WWP2: variants seen among roughly 807,000 people sequenced by gnomAD.
WWP2 encodes WW domain containing E3 ubiquitin protein ligase 2, also known as NEDD4-like E3 ubiquitin-protein ligase WWP2.
In WWP2, 57 loss-of-function variants were observed where a neutral mutation model predicts 121.0. The observed-to-expected ratio is 0.47, with a 90% CI of 0.38 to 0.59. The LOEUF (loss-of-function observed/expected upper bound fraction) is 0.59. WWP2 is among the 20% of genes least tolerant of loss of function. WWP2 has a pLI of 0.00. For synonymous variants in WWP2, 449 were observed against 441.3 expected, an observed-to-expected ratio of 1.02 and a Z score of -0.22; for missense variants, 962 against 1,158.9, an observed-to-expected ratio of 0.83 and a Z score of 2.47.
chr16:69,897,272 T>G (rs1382107570), intron 8 of WWP2, among the ~76,000 whole-genome samples: 1 of 152,016 alleles, frequency 6.6e-6, no homozygotes, highest in Non-Finnish European at 1.5e-5. Flanking sequence ...CAGGCTAATT[T>G]TTATATTTTT....
chr16:69,889,954 ATTG>A (rs1016765404), intron 8 of WWP2, among the ~76,000 whole-genome samples: 11 of 151,466 alleles, frequency 7.3e-5, no homozygotes, highest in East Asian at 1.9e-4. Flanking sequence ...AGCCACTTTC[ATTG>A]TTGTTGTTGT....
chr16:69,936,507 G>A (rs1348280165), intron 19 of WWP2, 55 bp downstream of exon 19: 1 of 1,606,346 alleles, frequency 6.2e-7, no homozygotes, highest in Non-Finnish European at 8.5e-7. Context: ...GATCTAGTGG[G>A]TTGCAGAGAA....
At chr16:69,825,993 G>A (rs1483411927) in intron 4 of WWP2, among the ~76,000 whole-genome samples, 8 of 152,104 alleles carry the variant, frequency 5.3e-5, no homozygotes, top group South Asian at 2.1e-4. Flanking sequence ...GCAGCCAGGC[G>A]CGGTGGCTCA....
At position 69,935,470 on chromosome 16, in the gene WWP2, G is replaced by T. The variant is rs527309753; in HGVS notation, c.1843-383G>T. ...GCTGCCTTTGCCACCCACCCTGAGC[G>T]CCAGTGAATCAGGGCTGCCACCTGC... On this transcript the variant is annotated intron_variant, in intron 17 of 23. Transcript: ENST00000359154. The surrounding 1 kb of genome is among the most constrained non-coding windows in gnomAD (Gnocchi z 5.2). Among the ~76,000 whole-genome samples, 1 of 152,220 alleles carries T rather than the reference G, an allele frequency of 6.6e-6. No individual in the cohort carries two copies. Among genetic ancestry groups the T allele is most frequent in the Non-Finnish European group, 1.5e-5 (1 of 68,040 alleles).
chr16:69,880,791 A>G (rs1360998881), intron 7 of WWP2, among the ~76,000 whole-genome samples: 1 of 152,192 alleles, frequency 6.6e-6, no homozygotes, highest in Admixed American at 6.5e-5. Flanking sequence ...CCCACATGTT[A>G]CGAGCTGATC....
intron 4 of WWP2, among the ~76,000 whole-genome samples, chr16:69,806,550 A>T (rs1567676526): frequency 6.6e-6 from 1 of 152,198 alleles, no homozygotes; most frequent in Non-Finnish European, 1.5e-5. Context: ...TTGCTTTGAA[A>T]TAATTCTTTG....
chr16:69,909,286 C>T (rs2058346508), intron 9 of WWP2: 1 of 989,366 alleles, frequency 1.0e-6, no homozygotes, highest in South Asian at 4.7e-5. Context: ...GTTCTTTCCA[C>T]ATGTGTCTCC....
chr16:69,904,000 G>A lies in WWP2; in HGVS notation c.915-4761G>A, dbSNP rs551443699. On this transcript the variant is annotated intron_variant, in intron 8 of 23. Transcript: ENST00000359154. Reference sequence around the variant, plus strand: ...GCAGCTAAATTCTTCGGGAGTGCTGGAGAGTTCTCAGCTACTTAAATTGCA... The same window carrying A: ...GCAGCTAAATTCTTCGGGAGTGCTGAAGAGTTCTCAGCTACTTAAATTGCA... Among the ~76,000 whole-genome samples the A allele has an allele frequency of 1.1e-3, 161 of 152,328 alleles. 1 individual carries two copies. Among genetic ancestry groups the A allele is most frequent in the Non-Finnish European group, 3.1e-4 (21 of 68,036 alleles).
chr16:69,796,595 C>G (rs532730333), intron 2 of WWP2, among the ~76,000 whole-genome samples: 1 of 152,238 alleles, frequency 6.6e-6, no homozygotes, highest in Admixed American at 6.5e-5. Flanking sequence ...GAATGCATAT[C>G]GCTTTCGCAC....
rs763735462 is a variant in WWP2, at chr16:69,924,881, G to C, written c.1180-549G>C. ...ACGCTGCACACCCAGATGGGAGGTT[G>C]GGGGGGACGCCGAGGTGGAGGGAGG... On this transcript the variant is annotated intron_variant, in intron 10 of 23. Coordinates refer to ENST00000359154, the MANE Select transcript of WWP2 (RefSeq NM_001270454.2). The C allele has an allele frequency of 6.6e-4, 629 of 959,698 alleles. 1 individual carries two copies. The highest frequency in any genetic ancestry group is 7.2e-4 in the Non-Finnish European group (578 of 806,240). 59.4% of individuals were successfully genotyped at this position (959,698 alleles called of 1,614,324 possible). A position where few individuals can be genotyped will look rare whatever the true frequency, so the allele number is the denominator to read the frequency against.
At chr16:69,771,088 A>G in intron 1 of WWP2, among the ~76,000 whole-genome samples, 1 of 152,034 alleles carries the variant, frequency 6.6e-6, no homozygotes, top group East Asian at 1.9e-4. Flanking sequence ...CTCAAAGGCA[A>G]ATGAGTGGTT....
In WWP2 at chr16:69,785,800, G is replaced by GT. The variant is rs373828978; in HGVS notation, c.-15-1190dup. ...CACTACCACGCCCGACAAATTTGTT[G>GT]TTTTTTAGTATAGATGGGGTTTCAT... On this transcript the variant is annotated intron_variant, in intron 1 of 23. Coordinates refer to ENST00000359154, the MANE Select transcript of WWP2 (RefSeq NM_001270454.2). Among the ~76,000 whole-genome samples, 611 of 151,492 alleles carry GT rather than the reference G, an allele frequency of 4.0e-3. 6 individuals are homozygous for GT. The highest frequency in any genetic ancestry group is 0.014 in the African/African-American group (574 of 41,302).
intron 4 of WWP2, among the ~76,000 whole-genome samples, chr16:69,836,255 G>A (rs1172008629): frequency 2.0e-5 from 3 of 150,226 alleles, no homozygotes; most frequent in African/African-American, 7.3e-5. Context: ...GCATTTGTTG[G>A]TTTTCTTTAG....
intron 13 of WWP2, 116 bp from the exon 14 acceptor site, chr16:69,931,036 C>T: frequency 4.2e-6 from 4 of 952,328 alleles, no homozygotes; most frequent in Admixed American, 2.2e-5. Flanking sequence ...ACTTCCTCAC[C>T]TTACATTACT....
intron 4 of WWP2, among the ~76,000 whole-genome samples, chr16:69,823,684 C>T (rs1453534427): frequency 1.3e-5 from 2 of 152,116 alleles, no homozygotes; most frequent in Non-Finnish European, 2.9e-5. Context: ...GCCCTGCTGG[C>T]CTCGAACTCC....
chr16:69,850,188 C>T (rs1258650305), intron 6 of WWP2, among the ~76,000 whole-genome samples: 1 of 152,102 alleles, frequency 6.6e-6, no homozygotes, highest in Non-Finnish European at 1.5e-5. Flanking sequence ...AGATTGAGAC[C>T]ATCCTGGCTA....
At chr16:69,903,126 C>T (rs1437970037) in intron 8 of WWP2, among the ~76,000 whole-genome samples, 1 of 152,166 alleles carries the variant, frequency 6.6e-6, no homozygotes. Flanking sequence ...TTGAGCTTTG[C>T]GGGACAATAA....
Position 69,937,121 on chromosome 16 carries a change from G to A in WWP2, c.2121G>A (p.Leu707=). 1.2e-6 allele frequency: 2 copies of A among 1,613,954 alleles called. No homozygotes were observed. The highest frequency in any genetic ancestry group is 8.5e-7 in the Non-Finnish European group (1 of 1,179,930). ...CATGGCTGCTCTTTGGTCTCAGGCT[G>A]CTGACTGACTGGCGTTTCACCCGAG... ...TEENKEEYIM[L]LTDWRFTRGV... Residue 707 remains leucine, a synonymous_variant, in exon 20 of 24, where the codon CTG becomes CTA. Transcript: ENST00000359154. This position sits in a 1 kb window ranked among gnomAD's most constrained non-coding sequence, Gnocchi z 6.6.
rs562949092 is a variant in WWP2 at position 69,939,058 on chromosome 16, T to C, written c.2375T>C (p.Ile792Thr). The change falls in exon 22 of 24, where the codon ATC (isoleucine) becomes ACC (threonine). Residue 792 changes from isoleucine (I) to threonine (T), a missense_variant. By Grantham distance (89) the Ile-to-Thr change is moderately conservative. Coordinates refer to ENST00000359154, the MANE Select transcript of WWP2 (RefSeq NM_001270454.2). ...VVKEMDNEKR[I>T]RLLQFVTGTC... is the part of the protein sequence containing the mutation. ...AAGGAGATGGACAACGAGAAGAGGA[T>C]CCGGCTGCTGCAGTTTGTCACCGGT... 1 of 1,606,670 alleles carries C rather than the reference T, an allele frequency of 6.2e-7. No individual in the cohort carries two copies. Among genetic ancestry groups the C allele is most frequent in the African/African-American group, 1.3e-5 (1 of 74,828 alleles).
Sources: gnomAD v4.1 joint callset for allele counts (sites outside exome capture counted in the v4.1 genomes callset) on GRCh38, gnomAD v4.1.1 for gene constraint, Gnocchi (gnomAD v3.1) non-coding constraint, MANE v1.5 for transcripts, NCBI Gene and HGNC (gene_info 2026-07-23, HGNC 2026-07-21) for gene names.